Variants in MAPT observed in about 807,000 individuals in gnomAD.
MAPT encodes microtubule-associated protein tau.
Under a neutral mutation model 67.9 loss-of-function variants are expected in MAPT, and 34 were observed. The ratio of observed to expected loss-of-function variants is 0.50; its 90% confidence interval spans 0.38 to 0.67. The LOEUF (loss-of-function observed/expected upper bound fraction) is 0.67, where lower values mean the gene tolerates loss of function less well. MAPT is among the 30% of genes least tolerant of loss of function. The pLI is 0.00. For missense variants in MAPT, 881 were observed against 1,115.2 expected (o/e 0.79, Z 2.99); for synonymous variants, 456 against 464.5 (o/e 0.98, Z 0.23).
chr17:46,010,958 C>G lies in MAPT; in HGVS notation c.2091+556C>G, dbSNP rs1568328176. On this transcript the variant is annotated intron_variant, in intron 10 of 12. Transcript: ENST00000262410. The surrounding 1 kb of genome is among the most constrained non-coding windows in gnomAD (Gnocchi z 4.7). ...GCTCCTACACGTTCAAGGCAGGAGC[C>G]GATTCCTAAGCCTCCAGCTTATGCT... is the stretch of plus-strand genomic sequence containing the variant. Among the ~76,000 whole-genome samples, 1 of 152,226 alleles carries G rather than the reference C, an allele frequency of 6.6e-6. No homozygotes were observed. Among genetic ancestry groups the G allele is most frequent in the Non-Finnish European group, 1.5e-5 (1 of 68,040 alleles).
At chr17:45,956,617 T>C (rs954646306) in intron 1 of MAPT, among the ~76,000 whole-genome samples, 1 of 140,058 alleles carries the variant, frequency 7.1e-6, no homozygotes, top group Non-Finnish European at 1.6e-5. Flanking sequence ...ATTATTATAC[T>C]TTAAGTTCTA....
chr17:45,961,128 G>A (rs183380969), intron 1 of MAPT, among the ~76,000 whole-genome samples: 84 of 151,424 alleles, frequency 5.5e-4, no homozygotes, highest in African/African-American at 2.0e-3. Context: ...CAGAGATCGC[G>A]ACACTGCACT....
chr17:45,935,932 G>A (rs1256609112), intron 1 of MAPT, among the ~76,000 whole-genome samples: 2 of 152,132 alleles, frequency 1.3e-5, no homozygotes, highest in Non-Finnish European at 2.9e-5. Context: ...ACAGACACTT[G>A]GGGCTCAGGA....
At position 46,024,234 on chromosome 17, in the gene MAPT, A is replaced by T; in HGVS notation, c.*63A>T. 1 of 1,474,414 alleles carries T rather than the reference A, an allele frequency of 6.8e-7. No homozygotes were observed. The allele number at this position is 1,474,414 out of a possible 1,614,324, so 91.3% of individuals were successfully genotyped here. On this transcript the variant is annotated 3_prime_UTR_variant, in exon 13 of 13. Transcript: ENST00000262410. ...AGAATGAGAGAGTGTGGAAAAAAAA[A>T]GAATAATGACCCGGCCCCCGCCCTC...
intron 1 of MAPT, chr17:45,898,597 TTTA>T (rs1435442775): frequency 1.3e-5 from 2 of 152,206 alleles, no homozygotes; most frequent in Non-Finnish European, 2.9e-5. Flanking sequence ...TCCCTCAGCA[TTTA>T]TGTGTGTGGT....
At chr17:45,969,941 TCATC>T (rs902473286) in intron 2 of MAPT, among the ~76,000 whole-genome samples, 8 of 147,112 alleles carry the variant, frequency 5.4e-5, no homozygotes, top group Non-Finnish European at 7.5e-5. Flanking sequence ...CATCATCCAT[TCATC>T]CATCCATCCA....
intron 1 of MAPT, among the ~76,000 whole-genome samples, chr17:45,928,684 A>G (rs951894028): frequency 6.6e-5 from 10 of 151,966 alleles, no homozygotes; most frequent in Admixed American, 1.3e-4. Flanking sequence ...ATACATATAT[A>G]TATTTTGTTT....
intron 3 of MAPT, chr17:45,977,356 G>C (rs2072481119): frequency 1.3e-5 from 2 of 152,252 alleles, no homozygotes; most frequent in Non-Finnish European, 2.9e-5. Flanking sequence ...GCAGGCCTGG[G>C]AGATAAGACT....
At chr17:46,017,273 G>A (rs754836203) in intron 11 of MAPT, among the ~76,000 whole-genome samples, 3 of 151,904 alleles carry the variant, frequency 2.0e-5, no homozygotes, top group Admixed American at 6.6e-5. Flanking sequence ...AGGGAGAAAG[G>A]GTCCTTATTT....
Position 45,897,756 on chromosome 17 carries a change from ATGGGGGCTCCGACAGCGACTGCC to A in MAPT, c.-18+3072_-18+3094del, listed in dbSNP as rs539446284. ...AGAATGGTCCAGGCTGGAAGGGATGATGGGGGCTCCGACAGCGACTGCCTAGCTCACCCCTCTGCGTGCTCAGG... is the reference window on the plus strand; with the variant it reads ...AGAATGGTCCAGGCTGGAAGGGATGATAGCTCACCCCTCTGCGTGCTCAGG... On this transcript the variant is annotated intron_variant, in intron 1 of 12. Transcript: ENST00000262410. This position sits in a 1 kb window ranked among gnomAD's most constrained non-coding sequence, Gnocchi z 5.0. The A allele has an allele frequency of 6.9e-3, 1,055 of 152,548 alleles. 3 individuals carry two copies. Among genetic ancestry groups the A allele is most frequent in the Non-Finnish European group, 0.011 (781 of 68,296 alleles). The allele number at this position is 152,548 out of a possible 1,614,324, so 9.4% of individuals were successfully genotyped here. A position where few individuals can be genotyped will look rare whatever the true frequency, so the allele number is the denominator to read the frequency against.
rs2063188241 is a variant in MAPT, at chr17:45,896,052, C to G, written c.-18+1366C>G. The G allele has an allele frequency of 1.3e-5, 2 of 152,304 alleles. No homozygotes were observed. The highest frequency in any genetic ancestry group is 2.9e-5 in the Non-Finnish European group (2 of 68,104). 9.4% of individuals were successfully genotyped at this position (152,304 alleles called of 1,614,324 possible). A position where few individuals can be genotyped will look rare whatever the true frequency, so the allele number is the denominator to read the frequency against. On this transcript the variant is annotated intron_variant, in intron 1 of 12. Transcript: ENST00000262410. The surrounding 1 kb of genome is among the most constrained non-coding windows in gnomAD (Gnocchi z 5.6). ...TATTCTGAGGGTGTTCAGTCAACCTCCCCCCTACGCCCATGCGCCTCTCTT... is the reference window on the plus strand; with the variant it reads ...TATTCTGAGGGTGTTCAGTCAACCTGCCCCCTACGCCCATGCGCCTCTCTT...
At chr17:45,931,510 A>C (rs1337892547) in intron 1 of MAPT, among the ~76,000 whole-genome samples, 1 of 152,194 alleles carries the variant, frequency 6.6e-6, no homozygotes, top group Non-Finnish European at 1.5e-5. Context: ...TTTTATGTAA[A>C]TCATTGCTTG....
At chr17:45,914,098 A>G (rs945283423) in intron 1 of MAPT, among the ~76,000 whole-genome samples, 1 of 147,506 alleles carries the variant, frequency 6.8e-6, no homozygotes, top group Non-Finnish European at 1.5e-5. Flanking sequence ...GATCTCCCTC[A>G]TAATAAAAAG....
At chr17:45,963,862 TTCTA>T (rs1240801039) in intron 2 of MAPT, among the ~76,000 whole-genome samples, 1 of 152,170 alleles carries the variant, frequency 6.6e-6, no homozygotes, top group Non-Finnish European at 1.5e-5. Flanking sequence ...CGTTTCAGAT[TTCTA>T]TCTGTTGAAT....
At chr17:45,899,450 T>C (rs2063480883) in intron 1 of MAPT, among the ~76,000 whole-genome samples, 1 of 152,172 alleles carries the variant, frequency 6.6e-6, no homozygotes, top group Non-Finnish European at 1.5e-5. Flanking sequence ...ACTTCCGCTA[T>C]GTAGCAGGTG....
chr17:46,014,882 C>CAAAAAAAAAAAA lies in MAPT; in HGVS notation c.2173+569_2173+570insAAAAAAAAAAAA, dbSNP rs1254513618. ...TGGGCGACAGAGCGAGACTCCGTCTCAAAAAAAAAAAGCACATGTTCTCGC... is the reference window on the plus strand; with the variant it reads ...TGGGCGACAGAGCGAGACTCCGTCTCAAAAAAAAAAAAAAAAAAAAAAAGCACATGTTCTCGC... On this transcript the variant is annotated intron_variant, in intron 11 of 12. Transcript: ENST00000262410. Among the ~76,000 whole-genome samples, 38 of 127,532 alleles carry CAAAAAAAAAAAA rather than the reference C, an allele frequency of 3.0e-4. 1 individual carries two copies. Among genetic ancestry groups the CAAAAAAAAAAAA allele is most frequent in the Middle Eastern group, 4.2e-3 (1 of 236 alleles). The allele number at this position is 127,532 out of a possible 152,430, so 83.7% of individuals were successfully genotyped here.
intron 1 of MAPT, among the ~76,000 whole-genome samples, chr17:45,932,507 T>A (rs1354642962): frequency 6.6e-6 from 1 of 150,516 alleles, no homozygotes; most frequent in Non-Finnish European, 1.5e-5. Flanking sequence ...GGAGAATCGC[T>A]TGCACCTGAG....
intron 1 of MAPT, among the ~76,000 whole-genome samples, chr17:45,947,540 A>G (rs62062788): frequency 0.14 from 21,782 of 151,844 alleles, 2,132 homozygotes; most frequent in Non-Finnish European, 0.22. Flanking sequence ...GGTGCCCACC[A>G]CCACACCCAG....
chr17:45,941,148 A>C lies in MAPT; in HGVS notation c.-17-21173A>C, dbSNP rs1406516034. ...TCTGCAGGCCAGCTGGGAGGCCACA[A>C]CTCCTACCTACGGGAAAACTGAAGG... On this transcript the variant is annotated intron_variant, in intron 1 of 12. Transcript: ENST00000262410. 2.0e-5 allele frequency among the ~76,000 whole-genome samples: 3 copies of C among 152,180 alleles called. No homozygotes were observed. The South Asian group carries it at 6.2e-4, about 32-fold the overall frequency.
Sources: gnomAD v4.1 joint callset for allele counts (sites outside exome capture counted in the v4.1 genomes callset) on GRCh38, gnomAD v4.1.1 for gene constraint, Gnocchi (gnomAD v3.1) non-coding constraint, MANE v1.5 for transcripts, NCBI Gene and HGNC (gene_info 2026-07-23, HGNC 2026-07-21) for gene names.